BTBD16: variants seen among roughly 807,000 people sequenced by gnomAD.
The protein encoded by BTBD16 is BTB/POZ domain-containing protein 16.
In BTBD16, 66 loss-of-function variants were observed where a neutral mutation model predicts 67.4. That is an observed-to-expected ratio of 0.98 (90% CI 0.80 to 1.20). The LOEUF is 1.20. BTBD16 is among the 50% of genes most tolerant of loss of function. The probability of loss-of-function intolerance (pLI) is 0.00; values close to 1 mark genes in which losing one functional copy is unlikely to be tolerated. For missense variants in BTBD16, 634 were observed against 616.0 expected, an observed-to-expected ratio of 1.03 and a Z score of -0.31; for synonymous variants, 242 against 236.4, an observed-to-expected ratio of 1.02 and a Z score of -0.22.
At chr10:122,319,229 T>C (rs2096431479) in intron 10 of BTBD16, among the ~76,000 whole-genome samples, 1 of 152,218 alleles carries the variant, frequency 6.6e-6, no homozygotes, top group Non-Finnish European at 1.5e-5. Context: ...TTTTTTATTT[T>C]GATGTTCAAT....
chr10:122,338,136 GAAAAT>G lies in BTBD16; in HGVS notation c.*57_*61del. 1 of 1,416,686 alleles carries G rather than the reference GAAAAT, an allele frequency of 7.1e-7. No homozygotes were observed. Among genetic ancestry groups the G allele is most frequent in the Admixed American group, 1.8e-5 (1 of 54,620 alleles). The allele number at this position is 1,416,686 out of a possible 1,614,324, so 87.8% of individuals were successfully genotyped here. Reference sequence around the variant, plus strand: ...TTTCCCCCCACTGGTCTGCATAAAAGAAAATAAAATGACATAAAAGGGAGCACTCA... The same window carrying G: ...TTTCCCCCCACTGGTCTGCATAAAAGAAAATGACATAAAAGGGAGCACTCA... On this transcript the variant is annotated 3_prime_UTR_variant, in exon 16 of 16. Coordinates refer to ENST00000260723, the MANE Select transcript of BTBD16 (RefSeq NM_144587.5).
At chr10:122,328,533 A>G (rs1008827168) in intron 10 of BTBD16, among the ~76,000 whole-genome samples, 2 of 152,200 alleles carry the variant, frequency 1.3e-5, no homozygotes, top group Admixed American at 6.5e-5. Context: ...GCTGGCGGGC[A>G]TCTCTGACAG....
intron 10 of BTBD16, chr10:122,327,589 T>G (rs1469729980): frequency 3.0e-6 from 3 of 985,232 alleles, no homozygotes; most frequent in Non-Finnish European, 3.6e-6. Flanking sequence ...CCAGCTTGGT[T>G]GGATGATGAG....
chr10:122,335,955 A>T (rs4752684), intron 14 of BTBD16, among the ~76,000 whole-genome samples: 55,750 of 152,004 alleles, frequency 0.37, 10,686 homozygotes, highest in East Asian at 0.69. Context: ...TGCAACCTCC[A>T]TATAAAGGGG....
intron 10 of BTBD16, among the ~76,000 whole-genome samples, chr10:122,321,772 T>C (rs2096435810): frequency 6.6e-6 from 1 of 152,214 alleles, no homozygotes; most frequent in Non-Finnish European, 1.5e-5. Flanking sequence ...GTTGGATGCA[T>C]AGTTTTTGTG....
intron 10 of BTBD16, among the ~76,000 whole-genome samples, chr10:122,319,767 A>G (rs2096432437): frequency 6.6e-6 from 1 of 152,112 alleles, no homozygotes; most frequent in Non-Finnish European, 1.5e-5. Context: ...ATCTCGTGGA[A>G]TTTTGATAAG....
At chr10:122,321,643 A>G (rs1016050635) in intron 10 of BTBD16, among the ~76,000 whole-genome samples, 3 of 152,186 alleles carry the variant, frequency 2.0e-5, no homozygotes, top group Admixed American at 1.3e-4. Context: ...TTTGTTGGCC[A>G]CTTGTATATC....
chr10:122,287,471 C>T (rs890626991), intron 5 of BTBD16: 44 of 985,402 alleles, frequency 4.5e-5, no homozygotes, highest in African/African-American at 2.4e-4. Flanking sequence ...CTAGAGGCTA[C>T]GCCTGGCTGA....
intron 12 of BTBD16, 177 bp from the exon 13 acceptor site, chr10:122,332,259 G>A (rs2096456314): frequency 3.3e-6 from 2 of 604,756 alleles, no homozygotes; most frequent in Admixed American, 3.0e-5. Flanking sequence ...GCCAGACACA[G>A]TAAGTTTTCA....
rs546977084 is a variant in BTBD16 at position 122,309,921 on chromosome 10, G to A, written c.911+2613G>A. On this transcript the variant is annotated intron_variant, in intron 10 of 15. Transcript: ENST00000260723. Reference sequence around the variant, plus strand: ...CAAGTAGCTGGGACTACAGGCACGTGCCACCACGCCCAGCTAATTTTTGTA... The same window carrying A: ...CAAGTAGCTGGGACTACAGGCACGTACCACCACGCCCAGCTAATTTTTGTA... Among the ~76,000 whole-genome samples, 17 of 151,948 alleles carry A rather than the reference G, an allele frequency of 1.1e-4. No homozygotes were observed. The South Asian group carries it at 3.3e-3, about 30-fold the overall frequency.
At chr10:122,291,363 C>T (rs2096373781) in intron 7 of BTBD16, 169 bp downstream of exon 7, 14 of 786,152 alleles carry the variant, frequency 1.8e-5, no homozygotes, top group South Asian at 4.8e-5. Flanking sequence ...CTAATTCACA[C>T]TAACAGGTGA....
At chr10:122,334,498 T>TTTTA (rs2096460250) in intron 13 of BTBD16, among the ~76,000 whole-genome samples, 1 of 37,468 alleles carries the variant, frequency 2.7e-5, no homozygotes, top group African/African-American at 1.2e-4. Context: ...CCCGGCCTTT[T>TTTTA]TTTTTTTTTT....
intron 3 of BTBD16, among the ~76,000 whole-genome samples, chr10:122,278,077 CT>C (rs1224822342): frequency 6.6e-6 from 1 of 152,210 alleles, no homozygotes; most frequent in Admixed American, 6.5e-5. Flanking sequence ...CTGGCCAACA[CT>C]TTTCCGTTGC....
intron 10 of BTBD16, among the ~76,000 whole-genome samples, chr10:122,316,866 G>A (rs973444012): frequency 6.6e-6 from 1 of 151,364 alleles, no homozygotes; most frequent in Non-Finnish European, 1.5e-5. Context: ...TCGGTTCACC[G>A]CATCTCCGCC....
Position 122,292,521 on chromosome 10 carries a change from G to A in BTBD16, c.590+1327G>A, listed in dbSNP as rs141457718. On this transcript the variant is annotated intron_variant, in intron 7 of 15. Transcript: ENST00000260723. ...CTCTAACACTGTACTATTCCACTTCGCTTGGGTGAGGTGGTAATGTTGTCA... is the reference window on the plus strand; with the variant it reads ...CTCTAACACTGTACTATTCCACTTCACTTGGGTGAGGTGGTAATGTTGTCA... 2.9e-3 allele frequency among the ~76,000 whole-genome samples: 435 copies of A among 152,366 alleles called. 2 individuals carry two copies. The highest frequency in any genetic ancestry group is 0.01 in the Middle Eastern group (3 of 294).
chr10:122,319,679 CAA>C (rs965569923), intron 10 of BTBD16, among the ~76,000 whole-genome samples: 2 of 151,864 alleles, frequency 1.3e-5, no homozygotes, highest in African/African-American at 4.8e-5. Context: ...TCATTTTTTT[CAA>C]AGTTATTTTG....
intron 10 of BTBD16, among the ~76,000 whole-genome samples, chr10:122,321,600 G>A (rs1396799978): frequency 3.9e-5 from 6 of 152,308 alleles, no homozygotes; most frequent in African/African-American, 1.2e-4. Flanking sequence ...GCATTTTTCC[G>A]ATGATCAGTG....
chr10:122,310,352 C>T (rs1410473831), intron 10 of BTBD16, among the ~76,000 whole-genome samples: 1 of 152,154 alleles, frequency 6.6e-6, no homozygotes, highest in Non-Finnish European at 1.5e-5. Flanking sequence ...CATCCCCTGC[C>T]GAGGATCCCC....
intron 10 of BTBD16, among the ~76,000 whole-genome samples, chr10:122,318,424 A>G (rs925471950): frequency 6.6e-6 from 1 of 152,160 alleles, no homozygotes; most frequent in Non-Finnish European, 1.5e-5. Context: ...GTAACTTTAT[A>G]AAGTTACTAT....
Sources: allele counts gnomAD v4.1 joint callset (sites outside exome capture counted in the v4.1 genomes callset), GRCh38; gene constraint gnomAD v4.1.1; transcripts MANE v1.5; gene names NCBI Gene and HGNC (gene_info 2026-07-23, HGNC 2026-07-21).